The following RAB27A variants were observed in gnomAD, a reference collection of about 807,000 sequenced individuals.
RAB27A encodes ras-related protein Rab-27A.
A neutral mutation model predicts 20.8 loss-of-function variants in RAB27A; 17 were observed. That is an observed-to-expected ratio of 0.82 (90% CI 0.56 to 1.23). The LOEUF (loss-of-function observed/expected upper bound fraction) is 1.23. RAB27A is among the 50% of genes most tolerant of loss of function. The pLI is 0.00. For synonymous variants in RAB27A, 85 were observed against 92.8 expected (o/e 0.92, Z 0.48); for missense variants, 277 against 266.7 (o/e 1.04, Z -0.27).
chr15:55,214,762 A>G (rs566079634), intron 6 of RAB27A, among the ~76,000 whole-genome samples: 2 of 152,286 alleles, frequency 1.3e-5, no homozygotes, highest in South Asian at 4.1e-4. Context: ...TTGATTAACA[A>G]CTTGAAGAGG....
chr15:55,287,408 T>C (rs1400073440), intron 1 of RAB27A, among the ~76,000 whole-genome samples: 3 of 152,170 alleles, frequency 2.0e-5, no homozygotes, highest in Non-Finnish European at 2.9e-5. Flanking sequence ...AACCCTTACA[T>C]CTATTTTAGA....
chr15:55,318,376 C>T (rs1378425759), intron 1 of RAB27A, among the ~76,000 whole-genome samples: 1 of 148,582 alleles, frequency 6.7e-6, no homozygotes, highest in Non-Finnish European at 1.5e-5. Flanking sequence ...GGAATACAGG[C>T]GTGAGCCACC....
At chr15:55,302,981 G>A (rs1422851038) in intron 2 of RAB27A, among the ~76,000 whole-genome samples, 18 of 111,786 alleles carry the variant, frequency 1.6e-4, no homozygotes, top group African/African-American at 9.3e-4. Flanking sequence ...CAAGAGGGAG[G>A]TGGGGGGGGG....
intron 2 of RAB27A, among the ~76,000 whole-genome samples, chr15:55,255,701 G>A (rs537948862): frequency 4.5e-4 from 68 of 152,210 alleles, no homozygotes; most frequent in African/African-American, 1.5e-3. Context: ...TTTCCAGTAC[G>A]GTGCTAGCAA....
intron 2 of RAB27A, among the ~76,000 whole-genome samples, chr15:55,261,713 A>G (rs1897274552): frequency 6.9e-6 from 1 of 145,518 alleles, no homozygotes; most frequent in East Asian, 2.0e-4. Flanking sequence ...GCATCTCAAA[A>G]AAAAAAAAAA....
intron 6 of RAB27A, among the ~76,000 whole-genome samples, chr15:55,218,183 A>T (rs139111284): frequency 1.4e-3 from 210 of 152,328 alleles, no homozygotes; most frequent in African/African-American, 3.8e-3. Flanking sequence ...CAAACGTCTC[A>T]CTAAAGTGAG....
chr15:55,288,382 A>C (rs1470433932), intron 1 of RAB27A, among the ~76,000 whole-genome samples: 1 of 152,086 alleles, frequency 6.6e-6, no homozygotes, highest in Non-Finnish European at 1.5e-5. Context: ...TTAGCCAAGC[A>C]TGGTAGCACA....
At chr15:55,259,193 TCTTA>T (rs760593586) in intron 2 of RAB27A, among the ~76,000 whole-genome samples, 1 of 152,172 alleles carries the variant, frequency 6.6e-6, no homozygotes, top group Non-Finnish European at 1.5e-5. Context: ...GCAAATATAT[TCTTA>T]CTGTTTTTGG....
At chr15:55,264,708 ACCAATGAT>A (rs1422335634) in intron 2 of RAB27A, among the ~76,000 whole-genome samples, 1 of 152,234 alleles carries the variant, frequency 6.6e-6, no homozygotes, top group African/African-American at 2.4e-5. Flanking sequence ...ATTGGCCTCC[ACCAATGAT>A]CCAAAGATAT....
intron 4 of RAB27A, among the ~76,000 whole-genome samples, chr15:55,229,275 C>T (rs892594853): frequency 3.4e-5 from 5 of 145,994 alleles, no homozygotes; most frequent in African/African-American, 1.2e-4. Context: ...ATATGTAAAA[C>T]CTGTAACTGA....
rs1384644123 is a variant in RAB27A at position 55,318,957 on chromosome 15, G to A, written c.-260C>T. The A allele has an allele frequency of 2.6e-5, 9 of 351,930 alleles. No individual in the cohort carries two copies. The South Asian group carries it at 3.2e-4, about 13-fold the overall frequency. 21.8% of individuals were successfully genotyped at this position (351,930 alleles called of 1,614,324 possible). A position where few individuals can be genotyped will look rare whatever the true frequency, so the allele number is the denominator to read the frequency against. ...TCCGACTGTTCTGCGCCTGCTCCAC[G>A]TCACTAAACTCGCTACCGCCTGCTC... On this transcript the variant is annotated 5_prime_UTR_variant, in exon 1 of 6. Transcript: ENST00000563262.
intron 6 of RAB27A, among the ~76,000 whole-genome samples, chr15:55,213,832 A>T (rs559995086): frequency 1.3e-5 from 2 of 152,324 alleles, no homozygotes; most frequent in Admixed American, 1.3e-4. Context: ...TGAGCCGTAT[A>T]ATTATTTCAT....
chr15:55,239,459 T>C (rs1896394106), intron 2 of RAB27A, among the ~76,000 whole-genome samples: 1 of 152,180 alleles, frequency 6.6e-6, no homozygotes, highest in Non-Finnish European at 1.5e-5. Context: ...TATCCAAAAA[T>C]TTATCTCCAC....
At chr15:55,237,565 A>G (rs991556073) in intron 2 of RAB27A, 2 of 152,224 alleles carry the variant, frequency 1.3e-5, no homozygotes, top group African/African-American at 4.8e-5. Flanking sequence ...GACATATAAC[A>G]GAATTCCTCT....
chr15:55,259,569 G>A (rs1035530472), intron 2 of RAB27A, among the ~76,000 whole-genome samples: 7 of 150,412 alleles, frequency 4.7e-5, no homozygotes, highest in East Asian at 2.0e-4. Flanking sequence ...TTACAGGTGT[G>A]AGCCACCATG....
intron 1 of RAB27A, among the ~76,000 whole-genome samples, chr15:55,283,370 G>A (rs777793593): frequency 1.4e-4 from 17 of 124,150 alleles, no homozygotes; most frequent in East Asian, 1.4e-3. Flanking sequence ...AAAACCGACC[G>A]ACTGATTCCT....
At chr15:55,308,270 T>C (rs1473037811) in intron 2 of RAB27A, among the ~76,000 whole-genome samples, 2 of 152,238 alleles carry the variant, frequency 1.3e-5, no homozygotes, top group Admixed American at 1.3e-4. Flanking sequence ...AATCTCCTAA[T>C]GGCTTCCTGA....
intron 6 of RAB27A, among the ~76,000 whole-genome samples, chr15:55,205,961 A>G (rs59683414): frequency 6.6e-6 from 1 of 151,950 alleles, no homozygotes; most frequent in African/African-American, 2.4e-5. Context: ...CACACCTCCC[A>G]GCACTCTGGG....
At chr15:55,273,384 G>C (rs1050874593) in intron 1 of RAB27A, among the ~76,000 whole-genome samples, 19 of 150,618 alleles carry the variant, frequency 1.3e-4, no homozygotes, top group Non-Finnish European at 7.4e-5. Context: ...ACTCCAGCCT[G>C]GGCGACAGAG....
Sources: gnomAD v4.1 joint callset for allele counts (sites outside exome capture counted in the v4.1 genomes callset) on GRCh38, gnomAD v4.1.1 for gene constraint, MANE v1.5 for transcripts, NCBI Gene and HGNC (gene_info 2026-07-23, HGNC 2026-07-21) for gene names.